Variants in RXRA observed in about 807,000 individuals in gnomAD.
The protein encoded by RXRA is retinoid X receptor alpha.
A neutral mutation model predicts 44.5 loss-of-function variants in RXRA; 5 were observed. The ratio of observed to expected loss-of-function variants is 0.11; its 90% CI spans 0.06 to 0.24. RXRA has a LOEUF of 0.24. Ranked by LOEUF, RXRA falls within the 10% of genes least tolerant of loss-of-function variation. RXRA has a pLI of 1.00. For missense variants in RXRA, 412 were observed against 646.5 expected (o/e 0.64, Z 3.93); for synonymous variants, 291 against 271.4 (o/e 1.07, Z -0.71).
Position 134,417,951 on chromosome 9 carries a change from C to T in RXRA, c.780+624C>T, listed in dbSNP as rs1038837100. 3.3e-5 allele frequency among the ~76,000 whole-genome samples: 5 copies of T among 152,142 alleles called. No homozygotes were observed. Among genetic ancestry groups the T allele is most frequent in the Non-Finnish European group, 7.4e-5 (5 of 68,018 alleles). Reference sequence around the variant, plus strand: ...GCAGCCCTGGTCCCGGGCTCTTCTCCTGGGCTGGCTCCAGCTGGTCCTGGA... The same window carrying T: ...GCAGCCCTGGTCCCGGGCTCTTCTCTTGGGCTGGCTCCAGCTGGTCCTGGA... On this transcript the variant is annotated intron_variant, in intron 5 of 9. Transcript: ENST00000481739. The surrounding 1 kb of genome is among the most constrained non-coding windows in gnomAD (Gnocchi z 6.1).
chr9:134,389,144 G>A (rs529683702), intron 1 of RXRA, among the ~76,000 whole-genome samples: 2 of 152,128 alleles, frequency 1.3e-5, no homozygotes, highest in Admixed American at 1.3e-4. Flanking sequence ...CCCTCAGCTC[G>A]CTCCCGTCCC....
In RXRA at chr9:134,326,681, CGGGGACGGGGCCG is replaced by C. The variant is rs1331015207; in HGVS notation, c.28+27_28+39del. The C allele has an allele frequency of 1.2e-5, 10 of 838,758 alleles. No homozygotes were observed. The Admixed American group carries it at 5.4e-4, about 45-fold the overall frequency. 52.0% of individuals were successfully genotyped at this position (838,758 alleles called of 1,614,324 possible). A position where few individuals can be genotyped will look rare whatever the true frequency, so the allele number is the denominator to read the frequency against. The stretch of plus-strand genomic sequence containing the variant: ...CTCGGTGAGTGCTCGCCGGGCCGGG[CGGGGACGGGGCCG>C]GGGGCCGGGGGCCGGCGGGCGGGAG... On this transcript the variant is annotated intron_variant, in intron 1 of 9. Transcript: ENST00000481739.
chr9:134,378,653 G>A (rs1012708265), intron 1 of RXRA, among the ~76,000 whole-genome samples: 1 of 152,222 alleles, frequency 6.6e-6, no homozygotes, highest in African/African-American at 2.4e-5. Flanking sequence ...CCATTAGGCT[G>A]GGTCGGCCGC....
intron 1 of RXRA, among the ~76,000 whole-genome samples, chr9:134,394,335 A>C (rs1018736517): frequency 2.1e-5 from 3 of 140,588 alleles, no homozygotes; most frequent in Non-Finnish European, 3.1e-5. Context: ...ACATTGCTTT[A>C]AGCTGAGTTT....
intron 1 of RXRA, among the ~76,000 whole-genome samples, chr9:134,363,836 G>T (rs1200321247): frequency 1.3e-5 from 2 of 152,328 alleles, no homozygotes; most frequent in Middle Eastern, 3.4e-3. Flanking sequence ...CGTGACGTGG[G>T]TCTCCTCATC....
Position 134,417,030 on chromosome 9 carries a change from G to A in RXRA, c.611-128G>A. 1 of 982,394 alleles carries A rather than the reference G, an allele frequency of 1.0e-6. No individual in the cohort carries two copies. The highest frequency in any genetic ancestry group is 1.5e-6 in the Non-Finnish European group (1 of 665,276). The allele number at this position is 982,394 out of a possible 1,614,324, so 60.9% of individuals were successfully genotyped here. On this transcript the variant is annotated intron_variant, in intron 4 of 9. Transcript: ENST00000481739. The surrounding 1 kb of genome is among the most constrained non-coding windows in gnomAD (Gnocchi z 6.1). ...GCAGAGATGGGGTCTCCATCACCCAGTGCTGGTGGGGATGCTGGTGTTGTG... is the reference window on the plus strand; with the variant it reads ...GCAGAGATGGGGTCTCCATCACCCAATGCTGGTGGGGATGCTGGTGTTGTG...
At chr9:134,348,378 A>G (rs1381993767) in intron 1 of RXRA, among the ~76,000 whole-genome samples, 4 of 152,208 alleles carry the variant, frequency 2.6e-5, no homozygotes, top group Non-Finnish European at 5.9e-5. Flanking sequence ...TCGTGGTGCG[A>G]TGATCTTCAG....
In RXRA at chr9:134,422,103, G is replaced by T. The variant is rs1466084999; in HGVS notation, c.910+298G>T. 7.5e-6 allele frequency: 10 copies of T among 1,341,922 alleles called. No homozygotes were observed. In the East Asian group the frequency reaches 4.3e-4, roughly 58 times the overall value. The allele number at this position is 1,341,922 out of a possible 1,614,324, so 83.1% of individuals were successfully genotyped here. A position where few individuals can be genotyped will look rare whatever the true frequency, so the allele number is the denominator to read the frequency against. On this transcript the variant is annotated intron_variant, in intron 6 of 9. Coordinates refer to ENST00000481739, the MANE Select transcript of RXRA (RefSeq NM_002957.6). ...CTCCCAGGACACTCCCGACTCCTGGGACACACTTCTACCTCCCGGGACACT... is the reference window on the plus strand; with the variant it reads ...CTCCCAGGACACTCCCGACTCCTGGTACACACTTCTACCTCCCGGGACACT...
At position 134,426,453 on chromosome 9, in the gene RXRA, G is replaced by A. The variant is rs1831435841; in HGVS notation, c.911-2655G>A. On this transcript the variant is annotated intron_variant, in intron 6 of 9. Transcript: ENST00000481739. The surrounding 1 kb of genome is among the most constrained non-coding windows in gnomAD (Gnocchi z 4.6). Reference sequence around the variant, plus strand: ...GGAGAAATAACCGAGTGAGGACATCGGGGTGGAGGGACAGGGGACAGGGGA... The same window carrying A: ...GGAGAAATAACCGAGTGAGGACATCAGGGTGGAGGGACAGGGGACAGGGGA... 1.6e-5 allele frequency: 16 copies of A among 985,446 alleles called. No individual in the cohort carries two copies. The highest frequency in any genetic ancestry group is 1.9e-5 in the Non-Finnish European group (16 of 829,930). 61.0% of individuals were successfully genotyped at this position (985,446 alleles called of 1,614,324 possible). A position where few individuals can be genotyped will look rare whatever the true frequency, so the allele number is the denominator to read the frequency against.
At position 134,365,290 on chromosome 9, in the gene RXRA, G is replaced by GA. The variant is rs1202002377; in HGVS notation, c.29-36339dup. Among the ~76,000 whole-genome samples the GA allele has an allele frequency of 6.6e-6, 1 of 152,270 alleles. No individual in the cohort carries two copies. Among genetic ancestry groups the GA allele is most frequent in the Non-Finnish European group, 1.5e-5 (1 of 68,054 alleles). ...GCCCCAGCCTGCAGGCGCTCGAGCTGAAAGCCCTCGCCCCTCGTGGTGGGG... is the reference window on the plus strand; with the variant it reads ...GCCCCAGCCTGCAGGCGCTCGAGCTGAAAAGCCCTCGCCCCTCGTGGTGGGG... On this transcript the variant is annotated intron_variant, in intron 1 of 9. Coordinates refer to ENST00000481739, the MANE Select transcript of RXRA (RefSeq NM_002957.6). The surrounding 1 kb of genome is among the most constrained non-coding windows in gnomAD (Gnocchi z 4.0).
chr9:134,427,731 C>T (rs1564297359), intron 6 of RXRA, among the ~76,000 whole-genome samples: 1 of 152,228 alleles, frequency 6.6e-6, no homozygotes. Context: ...CCGGAGCTGG[C>T]ACGGTGGTCC....
intron 1 of RXRA, among the ~76,000 whole-genome samples, chr9:134,395,016 G>C (rs1830857269): frequency 1.3e-5 from 2 of 152,208 alleles, no homozygotes; most frequent in East Asian, 3.9e-4. Flanking sequence ...GTGGAACCTG[G>C]GGGACCAAAC....
chr9:134,432,268 G>A (rs752687744), intron 8 of RXRA, among the ~76,000 whole-genome samples: 13 of 152,214 alleles, frequency 8.5e-5, no homozygotes, highest in Non-Finnish European at 1.8e-4. Context: ...TGGGCTCCGC[G>A]GTTCATAGTG....
In RXRA at chr9:134,349,359, C is replaced by T. The variant is rs1554749181; in HGVS notation, c.28+22700C>T. Among the ~76,000 whole-genome samples, 1 of 152,126 alleles carries T rather than the reference C, an allele frequency of 6.6e-6. No individual in the cohort carries two copies. ...GGCGCCTCGGCCTGGTGGAGGGCTT[C>T]GCCGAGCTTGGTGGCAGGGAGGGAA... On this transcript the variant is annotated intron_variant, in intron 1 of 9. Transcript: ENST00000481739. The surrounding 1 kb of genome is among the most constrained non-coding windows in gnomAD (Gnocchi z 4.3).
chr9:134,374,888 C>T (rs1233016324), intron 1 of RXRA, among the ~76,000 whole-genome samples: 1 of 152,212 alleles, frequency 6.6e-6, no homozygotes, highest in Non-Finnish European at 1.5e-5. Context: ...CCGACCTGGT[C>T]CCGCTATCCT....
At chr9:134,329,220 G>A (rs1322732391) in intron 1 of RXRA, among the ~76,000 whole-genome samples, 1 of 152,238 alleles carries the variant, frequency 6.6e-6, no homozygotes, top group Non-Finnish European at 1.5e-5. Flanking sequence ...TGTGTGAGGG[G>A]CTTCTGGTAA....
chr9:134,425,760 G>T (rs996233714), intron 6 of RXRA: 1 of 985,206 alleles, frequency 1.0e-6, no homozygotes, highest in Admixed American at 6.1e-5. Context: ...TGTCACTGCC[G>T]CCCTGGGACG....
intron 1 of RXRA, among the ~76,000 whole-genome samples, chr9:134,388,652 G>A (rs926490093): frequency 1.3e-5 from 2 of 152,234 alleles, no homozygotes; most frequent in Non-Finnish European, 2.9e-5. Flanking sequence ...TCAGGCGCAT[G>A]GAAGTTTTAG....
At chr9:134,402,542 G>A (rs1830981515) in intron 2 of RXRA, 1 of 152,392 alleles carries the variant, frequency 6.6e-6, no homozygotes, top group South Asian at 2.1e-4. Flanking sequence ...GCTGGTGCCT[G>A]GCAGAGCCTG....
Sources: gnomAD v4.1 joint callset for allele counts (sites outside exome capture counted in the v4.1 genomes callset) on GRCh38, gnomAD v4.1.1 for gene constraint, Gnocchi (gnomAD v3.1) non-coding constraint, MANE v1.5 for transcripts, NCBI Gene and HGNC (gene_info 2026-07-23, HGNC 2026-07-21) for gene names.